The following WDFY3 variants were observed in gnomAD, a reference collection of about 807,000 sequenced individuals.
WDFY3 encodes WD repeat and FYVE domain-containing protein 3.
Under a neutral mutation model 409.6 loss-of-function variants are expected in WDFY3, and 66 were observed. That is an observed-to-expected ratio of 0.16 (90% CI 0.13 to 0.20). WDFY3 has a LOEUF of 0.20. WDFY3 is among the 10% of genes least tolerant of loss of function. WDFY3 has a pLI of 1.00. For missense variants in WDFY3, 3,031 were observed against 4,298.1 expected (o/e 0.71, Z 8.24); for synonymous variants, 1,521 against 1,537.1 (o/e 0.99, Z 0.25).
intron 44 of WDFY3, among the ~76,000 whole-genome samples, chr4:84,729,375 CATTT>C (rs1337348333): frequency 2.0e-5 from 3 of 151,728 alleles, no homozygotes; most frequent in Admixed American, 6.6e-5. Context: ...TAGTATAATT[CATTT>C]GTTTTAATTA....
At chr4:84,875,305 C>CAG (rs946111478) in intron 3 of WDFY3, among the ~76,000 whole-genome samples, 3 of 144,462 alleles carry the variant, frequency 2.1e-5, no homozygotes, top group African/African-American at 5.0e-5. Context: ...CACACACACA[C>CAG]AGAACATACA....
At chr4:84,762,220 C>T (rs1159316905) in intron 32 of WDFY3, among the ~76,000 whole-genome samples, 1 of 151,284 alleles carries the variant, frequency 6.6e-6, no homozygotes, top group African/African-American at 2.4e-5. Flanking sequence ...ACCCAAATGT[C>T]CAACAATGAT....
Position 84,671,399 on chromosome 4 carries a change from C to T in WDFY3, c.*1469G>A, listed in dbSNP as rs1369013132. The T allele has an allele frequency of 6.6e-6, 1 of 152,344 alleles. No individual in the cohort carries two copies. The highest frequency in any genetic ancestry group is 1.5e-5 in the Non-Finnish European group (1 of 67,974). 9.4% of individuals were successfully genotyped at this position (152,344 alleles called of 1,614,324 possible). On this transcript the variant is annotated 3_prime_UTR_variant, in exon 68 of 68. Coordinates refer to ENST00000295888, the MANE Select transcript of WDFY3 (RefSeq NM_014991.6). ...GGGCCATTAATGATTCTATATTTTT[C>T]AAATCACAGGGCTTTTAGAATTGTT... is the stretch of plus-strand genomic sequence containing the variant.
At chr4:84,709,396 T>A in intron 51 of WDFY3, 49 bp from the exon 52 acceptor site, 1 of 1,535,036 alleles carries the variant, frequency 6.5e-7, no homozygotes, top group Non-Finnish European at 8.8e-7. Flanking sequence ...AAATTTTAAA[T>A]CTGAAAAATT....
chr4:84,674,081 TG>T (rs1725860873), intron 67 of WDFY3, among the ~76,000 whole-genome samples: 1 of 152,234 alleles, frequency 6.6e-6, no homozygotes. Context: ...CTGTGTGTTC[TG>T]GAAAGCACTT....
intron 24 of WDFY3, 25 bp from the exon 25 acceptor site, chr4:84,783,099 T>C: frequency 6.3e-7 from 1 of 1,585,744 alleles, no homozygotes; most frequent in South Asian, 1.1e-5. Flanking sequence ...AGGAAAAGAA[T>C]GTAATTATAT....
At chr4:84,722,644 T>C (rs1735031405) in intron 46 of WDFY3, among the ~76,000 whole-genome samples, 2 of 152,334 alleles carry the variant, frequency 1.3e-5, no homozygotes, top group South Asian at 2.1e-4. Context: ...TTAAAATCAG[T>C]TGACAGTAAC....
chr4:84,763,322 T>G (rs1027776367), intron 32 of WDFY3, among the ~76,000 whole-genome samples: 2 of 151,238 alleles, frequency 1.3e-5, no homozygotes. Flanking sequence ...TAAGTGGGAG[T>G]TGAACAATGA....
chr4:84,931,551 C>T (rs1482125555), intron 2 of WDFY3, among the ~76,000 whole-genome samples: 3 of 152,082 alleles, frequency 2.0e-5, no homozygotes, highest in South Asian at 2.1e-4. Context: ...TGAGAGCCTG[C>T]GGGAAATCTG....
At chr4:84,688,609 A>G (rs1185211381) in intron 61 of WDFY3, among the ~76,000 whole-genome samples, 2 of 152,198 alleles carry the variant, frequency 1.3e-5, no homozygotes, top group African/African-American at 4.8e-5. Flanking sequence ...GTAGAGATGT[A>G]TTGATTATGG....
At chr4:84,747,254 T>C (rs541072245) in intron 36 of WDFY3, among the ~76,000 whole-genome samples, 2 of 152,298 alleles carry the variant, frequency 1.3e-5, no homozygotes, top group East Asian at 1.9e-4. Flanking sequence ...CTGCTGCCCA[T>C]GGGTAGACAG....
Position 84,736,169 on chromosome 4 carries a change from CCT to C in WDFY3, c.6914_6915del (p.Gln2305ArgfsTer15). The C allele has an allele frequency of 6.2e-7, 1 of 1,604,900 alleles. No homozygotes were observed. Among genetic ancestry groups the C allele is most frequent in the South Asian group, 1.1e-5 (1 of 88,694 alleles). ...SGLNKHSLST[Q>X]EISQWMFTHI... Reference sequence around the variant, plus strand: ...TATCAGCAATGAAACTAAAAAAGTACCTGGGTGGAAAGACTGTGTTTATTAAG... The same window carrying C: ...TATCAGCAATGAAACTAAAAAAGTACGGGTGGAAAGACTGTGTTTATTAAG... On this transcript the variant is annotated frameshift_variant and splice_region_variant, in exon 42 of 68. Transcript: ENST00000295888. LOFTEE classifies it high-confidence loss of function.
Position 84,690,381 on chromosome 4 carries a change from G to A in WDFY3, c.9363+125C>T, listed in dbSNP as rs187264198. On this transcript the variant is annotated intron_variant, in intron 61 of 67. Coordinates refer to ENST00000295888, the MANE Select transcript of WDFY3 (RefSeq NM_014991.6). ...AAAAAAGTATTTCTAGCAACAGAAC[G>A]TCACTTTGGTTTTGTCCATTAGATC... 438 of 1,333,076 alleles carry A rather than the reference G, an allele frequency of 3.3e-4. 4 individuals are homozygous for A. Among genetic ancestry groups the A allele is most frequent in the South Asian group, 2.6e-3 (189 of 72,040 alleles). 82.6% of individuals were successfully genotyped at this position (1,333,076 alleles called of 1,614,324 possible). A position where few individuals can be genotyped will look rare whatever the true frequency, so the allele number is the denominator to read the frequency against.
At chr4:84,860,974 GCC>G (rs1760531653) in intron 3 of WDFY3, among the ~76,000 whole-genome samples, 1 of 152,154 alleles carries the variant, frequency 6.6e-6, no homozygotes, top group African/African-American at 2.4e-5. Context: ...ACTTTTGGAG[GCC>G]GAGGCCGGTG....
intron 23 of WDFY3, among the ~76,000 whole-genome samples, chr4:84,786,470 T>G (rs956924022): frequency 1.6e-4 from 25 of 152,154 alleles, no homozygotes; most frequent in Non-Finnish European, 3.4e-4. Flanking sequence ...GGAATGAAGA[T>G]GAATAAAATG....
intron 8 of WDFY3, among the ~76,000 whole-genome samples, chr4:84,831,164 G>A (rs1280384845): frequency 1.4e-5 from 2 of 144,540 alleles, no homozygotes; most frequent in Non-Finnish European, 1.5e-5. Context: ...TCCAGCCTGG[G>A]CGACAGAGTG....
At position 84,759,954 on chromosome 4, in the gene WDFY3, T is replaced by G. The variant is rs1309480791; in HGVS notation, c.5189-2793A>C. Among the ~76,000 whole-genome samples, 17 of 151,746 alleles carry G rather than the reference T, an allele frequency of 1.1e-4. No homozygotes were observed. In the East Asian group the frequency reaches 2.1e-3, roughly 19 times the overall value. On this transcript the variant is annotated intron_variant, in intron 32 of 67. Coordinates refer to ENST00000295888, the MANE Select transcript of WDFY3 (RefSeq NM_014991.6). ...TGGCTGTGGGTTTGTCATAGATAGC[T>G]CTTATTATTTTGAGATACGTCCCAT...
At chr4:84,675,831 G>T (rs868526262) in intron 67 of WDFY3, among the ~76,000 whole-genome samples, 15 of 152,152 alleles carry the variant, frequency 9.9e-5, no homozygotes, top group Admixed American at 4.6e-4. Context: ...TGGGACCCAG[G>T]TGTAGGACAG....
chr4:84,740,855 G>A (rs1355461074), intron 38 of WDFY3, among the ~76,000 whole-genome samples: 1 of 151,820 alleles, frequency 6.6e-6, no homozygotes, highest in East Asian at 1.9e-4. Context: ...TTTCTCTTTG[G>A]CTTAAATACA....
Sources: gnomAD v4.1 joint callset for allele counts (sites outside exome capture counted in the v4.1 genomes callset) on GRCh38, gnomAD v4.1.1 for gene constraint, MANE v1.5 for transcripts, NCBI Gene and HGNC (gene_info 2026-07-23, HGNC 2026-07-21) for gene names.